PTPRO: variants seen among roughly 807,000 people sequenced by gnomAD.
PTPRO encodes the protein protein tyrosine phosphatase receptor type O.
PTPRO carries 62 observed loss-of-function variants against 145.2 expected under a neutral mutation model. That is an observed-to-expected ratio of 0.43 (90% CI 0.35 to 0.53). The LOEUF (loss-of-function observed/expected upper bound fraction) is 0.53, where lower values mean the gene tolerates loss of function less well. Ranked by LOEUF, PTPRO falls within the 20% of genes least tolerant of loss-of-function variation. PTPRO has a pLI of 0.01. For missense variants in PTPRO, 1,345 were observed against 1,482.7 expected (o/e 0.91, Z 1.53); for synonymous variants, 565 against 514.7 (o/e 1.10, Z -1.32).
rs189923320 is a variant in PTPRO, at chr12:15,370,692, A to T, written c.75+47891A>T. On this transcript the variant is annotated intron_variant, in intron 1 of 26. Coordinates refer to ENST00000281171, the MANE Select transcript of PTPRO (RefSeq NM_030667.3). ...CAATAGAGAAGAGGAATATTTCAATAAAAAAACACAAACAATTTGTTAAAA... is the reference window on the plus strand; with the variant it reads ...CAATAGAGAAGAGGAATATTTCAATTAAAAAACACAAACAATTTGTTAAAA... Among the ~76,000 whole-genome samples, 7 of 152,300 alleles carry T rather than the reference A, an allele frequency of 4.6e-5. No individual in the cohort carries two copies. The East Asian group carries it at 9.6e-4, about 21-fold the overall frequency.
chr12:15,353,849 A>G (rs565907761), intron 1 of PTPRO, among the ~76,000 whole-genome samples: 179 of 152,272 alleles, frequency 1.2e-3, no homozygotes, highest in Non-Finnish European at 7.3e-4. Flanking sequence ...CTTTGTTTTC[A>G]GGATCATACT....
At chr12:15,551,486 T>A in intron 14 of PTPRO, 65 bp from the exon 15 acceptor site, 2 of 1,587,818 alleles carry the variant, frequency 1.3e-6, no homozygotes, top group Admixed American at 1.7e-5. Context: ...TGAAAAGCAA[T>A]GAATGGTTCT....
chr12:15,568,519 G>A (rs1039704957), intron 18 of PTPRO, among the ~76,000 whole-genome samples: 2 of 152,136 alleles, frequency 1.3e-5, no homozygotes, highest in African/African-American at 4.8e-5. Context: ...CAAGGGAAGG[G>A]TCAACTATAA....
chr12:15,514,951 G>T (rs2136499932), intron 7 of PTPRO, among the ~76,000 whole-genome samples: 1 of 151,898 alleles, frequency 6.6e-6, no homozygotes, highest in Non-Finnish European at 1.5e-5. Flanking sequence ...TTTTAGTAGA[G>T]ACAGGGTTTC....
At chr12:15,488,384 T>A (rs1941934253) in intron 2 of PTPRO, among the ~76,000 whole-genome samples, 2 of 152,180 alleles carry the variant, frequency 1.3e-5, no homozygotes, top group African/African-American at 2.4e-5. Flanking sequence ...TTGGTGACAT[T>A]TGGGTTTCAG....
intron 4 of PTPRO, 133 bp downstream of exon 4, chr12:15,499,727 C>G (rs1942179577): frequency 1.9e-6 from 2 of 1,053,910 alleles, no homozygotes; most frequent in East Asian, 5.4e-5. Flanking sequence ...TAACCTAAAA[C>G]AGATTTTCTA....
intron 2 of PTPRO, among the ~76,000 whole-genome samples, chr12:15,496,110 T>C (rs1319362800): frequency 6.6e-6 from 1 of 151,478 alleles, no homozygotes; most frequent in Non-Finnish European, 1.5e-5. Context: ...GCTTTTAAAT[T>C]TTACTTATGT....
chr12:15,324,247 G>A (rs1866381743), intron 1 of PTPRO, among the ~76,000 whole-genome samples: 1 of 152,166 alleles, frequency 6.6e-6, no homozygotes, highest in East Asian at 1.9e-4. Flanking sequence ...CATTTTACGA[G>A]CAACAGCTAA....
chr12:15,360,883 TACA>T (rs1938172868), intron 1 of PTPRO, among the ~76,000 whole-genome samples: 1 of 135,452 alleles, frequency 7.4e-6, no homozygotes, highest in African/African-American at 2.7e-5. Flanking sequence ...TATACACACA[TACA>T]CATGTGTATA....
rs1942684043 is a variant in PTPRO at position 15,520,139 on chromosome 12, T to C, written c.1780-62T>C. Reference sequence around the variant, plus strand: ...TATTAATTTTTTATGAAAGTAAGTCTACTCCAAAAATAGTACTTTCTCCCA... The same window carrying C: ...TATTAATTTTTTATGAAAGTAAGTCCACTCCAAAAATAGTACTTTCTCCCA... On this transcript the variant is annotated intron_variant, in intron 9 of 26. Transcript: ENST00000281171. 4 of 1,069,214 alleles carry C rather than the reference T, an allele frequency of 3.7e-6. No homozygotes were observed. In the South Asian group the frequency reaches 5.0e-5, roughly 13 times the overall value. 66.2% of individuals were successfully genotyped at this position (1,069,214 alleles called of 1,614,324 possible).
chr12:15,530,971 T>A (rs1393477901), intron 12 of PTPRO, among the ~76,000 whole-genome samples: 1 of 151,618 alleles, frequency 6.6e-6, no homozygotes, highest in Non-Finnish European at 1.5e-5. Flanking sequence ...CAACAAACCT[T>A]TAACTAGACT....
intron 1 of PTPRO, among the ~76,000 whole-genome samples, chr12:15,366,689 A>G (rs1253724342): frequency 6.6e-6 from 1 of 152,160 alleles, no homozygotes; most frequent in East Asian, 1.9e-4. Context: ...TAGAGAAAAA[A>G]TAATTGTTTG....
chr12:15,373,579 G>A (rs1030908009), intron 1 of PTPRO, among the ~76,000 whole-genome samples: 1 of 152,176 alleles, frequency 6.6e-6, no homozygotes, highest in South Asian at 2.1e-4. Flanking sequence ...ATGGACGGAA[G>A]TGTTTAACTG....
At chr12:15,344,875 C>T (rs1389089681) in intron 1 of PTPRO, among the ~76,000 whole-genome samples, 1 of 152,170 alleles carries the variant, frequency 6.6e-6, no homozygotes. Flanking sequence ...CCTTACGAAC[C>T]AGTTCATCGT....
chr12:15,426,174 T>A (rs1757240702), intron 1 of PTPRO, among the ~76,000 whole-genome samples: 1 of 151,716 alleles, frequency 6.6e-6, no homozygotes, highest in Non-Finnish European at 1.5e-5. Flanking sequence ...ATCATTGTTT[T>A]CCACTTTTAA....
rs138667197 is a variant in PTPRO at position 15,336,089 on chromosome 12, T to A, written c.75+13288T>A. Among the ~76,000 whole-genome samples the A allele has an allele frequency of 2.6e-5, 4 of 152,294 alleles. No individual in the cohort carries two copies. The East Asian group carries it at 5.8e-4, about 22-fold the overall frequency. ...TACAAAGAACTGGAAAACTGACAGATGTTCACAGCGGAAAATGTATAAAAT... is the reference window on the plus strand; with the variant it reads ...TACAAAGAACTGGAAAACTGACAGAAGTTCACAGCGGAAAATGTATAAAAT... On this transcript the variant is annotated intron_variant, in intron 1 of 26. Transcript: ENST00000281171.
At chr12:15,432,806 A>G (rs183159424) in intron 1 of PTPRO, among the ~76,000 whole-genome samples, 2 of 152,282 alleles carry the variant, frequency 1.3e-5, no homozygotes, top group African/African-American at 2.4e-5. Flanking sequence ...TCTTCTATAG[A>G]AAAGTGTTTG....
chr12:15,355,506 C>G (rs934488287), intron 1 of PTPRO, among the ~76,000 whole-genome samples: 1 of 145,908 alleles, frequency 6.9e-6, no homozygotes, highest in Admixed American at 6.8e-5. Flanking sequence ...CTTGGTGAGG[C>G]CTTTCCTGAA....
intron 1 of PTPRO, among the ~76,000 whole-genome samples, chr12:15,452,314 C>T (rs1256425723): frequency 6.6e-6 from 1 of 152,096 alleles, no homozygotes; most frequent in Non-Finnish European, 1.5e-5. Context: ...AAACCCTGAA[C>T]AGGCCAATAA....
Sources: gnomAD v4.1 joint callset for allele counts (sites outside exome capture counted in the v4.1 genomes callset) on GRCh38, gnomAD v4.1.1 for gene constraint, MANE v1.5 for transcripts, NCBI Gene and HGNC (gene_info 2026-07-23, HGNC 2026-07-21) for gene names.